The following TREML4 variants were observed in gnomAD, a reference collection of about 807,000 sequenced individuals.
TREML4 encodes the protein triggering receptor expressed on myeloid cells like 4, also known as trem-like transcript 4 protein.
In TREML4, 25 loss-of-function variants were observed where a neutral mutation model predicts 25.4. The ratio of observed to expected loss-of-function variants is 0.98; its 90% confidence interval spans 0.72 to 1.37. The LOEUF is 1.37. Among genes scored for constraint, TREML4 ranks in the 40% most tolerant of loss-of-function variants. TREML4 has a pLI of 0.00. For missense variants in TREML4, 268 were observed against 236.5 expected, an observed-to-expected ratio of 1.13 and a Z score of -0.87; for synonymous variants, 92 against 87.9, an observed-to-expected ratio of 1.05 and a Z score of -0.26.
In TREML4 at chr6:41,238,740, T is replaced by C. The variant is rs1766947982; in HGVS notation, c.*1721T>C. ...TCTATGTGAAGTACACAGCACAACC[T>C]ATGGAATGGTATTGCCAATTAAAAA... On this transcript the variant is annotated 3_prime_UTR_variant, in exon 6 of 6. Transcript: ENST00000341495. The C allele has an allele frequency of 6.6e-6, 1 of 152,006 alleles. No homozygotes were observed. The highest frequency in any genetic ancestry group is 1.5e-5 in the Non-Finnish European group (1 of 68,024). The allele number at this position is 152,006 out of a possible 1,614,324, so 9.4% of individuals were successfully genotyped here. A position where few individuals can be genotyped will look rare whatever the true frequency, so the allele number is the denominator to read the frequency against.
chr6:41,236,356 C>G (rs9394777), intron 4 of TREML4, 130 bp from the exon 5 acceptor site: 231,667 of 688,142 alleles, frequency 0.34, 39,908 homozygotes, highest in East Asian at 0.38. Flanking sequence ...CCACACCCCT[C>G]TGTCATCGTT....
In TREML4 at chr6:41,230,037, A is replaced by G. The variant is rs778751806; in HGVS notation, c.446-25A>G. On this transcript the variant is annotated intron_variant, in intron 3 of 5. Coordinates refer to ENST00000341495, the MANE Select transcript of TREML4 (RefSeq NM_198153.3). ...CTCTATTCTGGTGCCCTGGGCAGCC[A>G]CTGTCTTCTTTGTGTCCTCTTTAGT... is the stretch of plus-strand genomic sequence containing the variant. The G allele has an allele frequency of 1.1e-5, 18 of 1,593,076 alleles. No individual in the cohort carries two copies. The East Asian group carries it at 3.4e-4, about 30-fold the overall frequency.
At chr6:41,229,755 T>G in intron 3 of TREML4, 184 bp downstream of exon 3, 1 of 687,630 alleles carries the variant, frequency 1.5e-6, no homozygotes, top group Non-Finnish European at 2.6e-6. Context: ...CACTATCTGA[T>G]GTGATCAGAA....
intron 4 of TREML4, among the ~76,000 whole-genome samples, chr6:41,234,960 G>T (rs555305402): frequency 1.3e-5 from 2 of 152,032 alleles, no homozygotes; most frequent in Admixed American, 1.3e-4. Flanking sequence ...TGCACATGGG[G>T]TCCATTCCCT....
chr6:41,229,972 C>G, intron 3 of TREML4, 90 bp from the exon 4 acceptor site: 39 of 1,090,638 alleles, frequency 3.6e-5, no homozygotes, highest in Non-Finnish European at 5.0e-5. Flanking sequence ...CCTCTGGCCC[C>G]TCTCCCCTTC....
At chr6:41,235,462 A>C in intron 4 of TREML4, among the ~76,000 whole-genome samples, 1 of 152,214 alleles carries the variant, frequency 6.6e-6, no homozygotes, top group Non-Finnish European at 1.5e-5. Flanking sequence ...TAGATCTCAC[A>C]AGAGAGTTTA....
chr6:41,232,426 C>T, intron 4 of TREML4: 2 of 398,634 alleles, frequency 5.0e-6, no homozygotes, highest in Admixed American at 2.6e-5. Context: ...TGAAAAATAA[C>T]ATTCTAGACT....
In TREML4 at chr6:41,238,272, A is replaced by G. The variant is rs1766939099; in HGVS notation, c.*1253A>G. On this transcript the variant is annotated 3_prime_UTR_variant, in exon 6 of 6. Transcript: ENST00000341495. Reference sequence around the variant, plus strand: ...ACTTGCCTTCCTCTCCGAGGCAACTACTCTAATGCATTTGGTATGTAACTT... The same window carrying G: ...ACTTGCCTTCCTCTCCGAGGCAACTGCTCTAATGCATTTGGTATGTAACTT... 6.6e-6 allele frequency: 1 copy of G among 151,948 alleles called. No individual in the cohort carries two copies. The highest frequency in any genetic ancestry group is 1.5e-5 in the Non-Finnish European group (1 of 67,992). The allele number at this position is 151,948 out of a possible 1,614,324, so 9.4% of individuals were successfully genotyped here.
At chr6:41,231,927 T>C (rs1766807612) in intron 4 of TREML4, among the ~76,000 whole-genome samples, 2 of 152,130 alleles carry the variant, frequency 1.3e-5, no homozygotes, top group Admixed American at 6.5e-5. Context: ...GATTCATACA[T>C]TGCCAAATAG....
Position 41,228,853 on chromosome 6 carries a change from C to A in TREML4, c.203C>A (p.Thr68Asn), listed in dbSNP as rs1458111394. 13 of 1,614,026 alleles carry A rather than the reference C, an allele frequency of 8.1e-6. No individual in the cohort carries two copies. Among genetic ancestry groups the A allele is most frequent in the Non-Finnish European group, 1.1e-5 (13 of 1,180,008 alleles). The change falls in exon 2 of 6, where the codon ACC becomes AAC. Residue 68 changes from threonine (T) to asparagine (N), a missense_variant. Thr to Asn is a moderately conservative substitution (Grantham distance 65). Transcript: ENST00000341495. ...CCAAGTCGGTGTACCTTACTTGTCA[C>A]CAGCTCCAAGCCCTGGACAGCAGTT... ...TSPSRCTLLVTSSKPWTAVQK... is the reference protein window; with the variant it reads ...TSPSRCTLLVNSSKPWTAVQK...
At chr6:41,232,340 T>C (rs771538748) in intron 4 of TREML4, 4 of 400,490 alleles carry the variant, frequency 1.0e-5, no homozygotes, top group Non-Finnish European at 2.1e-5. Flanking sequence ...GGAAAGTTTG[T>C]TTTTATCTTT....
At position 41,238,266 on chromosome 6, in the gene TREML4, G is replaced by T. The variant is rs111443873; in HGVS notation, c.*1247G>T. The T allele has an allele frequency of 8.8e-3, 1,336 of 152,218 alleles. 29 individuals carry two copies. The highest frequency in any genetic ancestry group is 0.078 in the South Asian group (375 of 4,822). 9.4% of individuals were successfully genotyped at this position (152,218 alleles called of 1,614,324 possible). On this transcript the variant is annotated 3_prime_UTR_variant, in exon 6 of 6. Transcript: ENST00000341495. ...ATGTCCACTTGCCTTCCTCTCCGAG[G>T]CAACTACTCTAATGCATTTGGTATG...
intron 4 of TREML4, among the ~76,000 whole-genome samples, chr6:41,231,323 C>T (rs899297754): frequency 1.3e-5 from 2 of 151,998 alleles, no homozygotes; most frequent in South Asian, 2.1e-4. Context: ...GGGCTTTTTC[C>T]TCTCATTTTT....
chr6:41,229,462 T>TA, intron 2 of TREML4, 59 bp from the exon 3 acceptor site: 2 of 1,587,906 alleles, frequency 1.3e-6, no homozygotes, highest in Admixed American at 3.3e-5. Flanking sequence ...ATGTATGGGG[T>TA]AGACCCTACT....
At chr6:41,229,479 T>A in intron 2 of TREML4, 42 bp from the exon 3 acceptor site, 2 of 1,607,986 alleles carry the variant, frequency 1.2e-6, no homozygotes, top group Non-Finnish European at 1.7e-6. Flanking sequence ...TACTCTCTTC[T>A]GGGCCCCTGG....
chr6:41,231,477 C>T (rs1459464767), intron 4 of TREML4, among the ~76,000 whole-genome samples: 1 of 151,968 alleles, frequency 6.6e-6, no homozygotes, highest in Non-Finnish European at 1.5e-5. Context: ...GGAAACACAC[C>T]CAACAATAGA....
At chr6:41,230,407 G>A (rs7774363) in intron 4 of TREML4, among the ~76,000 whole-genome samples, 114,329 of 152,102 alleles carry the variant, frequency 0.75, 43,868 homozygotes, top group East Asian at 0.85. Flanking sequence ...ATTGGAGGCC[G>A]TGTTGGTGTG....
rs531491426 is a variant in TREML4, at chr6:41,238,361, A to G, written c.*1342A>G. 3.3e-4 allele frequency: 51 copies of G among 152,270 alleles called. No individual in the cohort carries two copies. Among genetic ancestry groups the G allele is most frequent in the Admixed American group, 2.9e-3 (44 of 15,296 alleles). 9.4% of individuals were successfully genotyped at this position (152,270 alleles called of 1,614,324 possible). A position where few individuals can be genotyped will look rare whatever the true frequency, so the allele number is the denominator to read the frequency against. On this transcript the variant is annotated 3_prime_UTR_variant, in exon 6 of 6. Coordinates refer to ENST00000341495, the MANE Select transcript of TREML4 (RefSeq NM_198153.3). Reference sequence around the variant, plus strand: ...TTTTTCTGTGACTATGTTTTCACTTACATAAAAGAAATTGTGATAGACCTT... The same window carrying G: ...TTTTTCTGTGACTATGTTTTCACTTGCATAAAAGAAATTGTGATAGACCTT...
rs185550694 is a variant in TREML4, at chr6:41,232,657, G to A, written c.506+2535G>A. On this transcript the variant is annotated intron_variant, in intron 4 of 5. Coordinates refer to ENST00000341495, the MANE Select transcript of TREML4 (RefSeq NM_198153.3). The stretch of plus-strand genomic sequence containing the variant: ...ATGGGAGCTCTGAGCTTGTTTTCCT[G>A]CAACTAGACAGTCTTATCTGGGGGT... Among the ~76,000 whole-genome samples the A allele has an allele frequency of 2.6e-5, 4 of 152,186 alleles. No homozygotes were observed. In the East Asian group the frequency reaches 7.7e-4, roughly 29 times the overall value.
Sources: gnomAD v4.1 joint callset for allele counts (sites outside exome capture counted in the v4.1 genomes callset) on GRCh38, gnomAD v4.1.1 for gene constraint, MANE v1.5 for transcripts, NCBI Gene and HGNC (gene_info 2026-07-23, HGNC 2026-07-21) for gene names.